Variants in KLHL2 observed in about 807,000 individuals in gnomAD.
The protein encoded by KLHL2 is kelch-like protein 2.
KLHL2 carries 15 observed loss-of-function variants against 75.8 expected under a neutral mutation model. The ratio of observed to expected loss-of-function variants is 0.20; its 90% CI spans 0.13 to 0.30. KLHL2 has a LOEUF of 0.30. Among genes scored for constraint, KLHL2 ranks in the 10% least tolerant of loss-of-function variants. The pLI is 1.00. For synonymous variants in KLHL2, 214 were observed against 251.9 expected (o/e 0.85, Z 1.42); for missense variants, 381 against 741.0 (o/e 0.51, Z 5.64).
chr4:165,214,859 G>A (rs1019311570), intron 1 of KLHL2, among the ~76,000 whole-genome samples: 1 of 151,572 alleles, frequency 6.6e-6, no homozygotes, highest in Non-Finnish European at 1.5e-5. Context: ...GATATTGTCT[G>A]AAAGGCATTC....
intron 11 of KLHL2, among the ~76,000 whole-genome samples, chr4:165,312,442 A>T: frequency 6.7e-6 from 1 of 150,142 alleles, no homozygotes. Context: ...TTTTTAATTG[A>T]CTTGGGCAAA....
At chr4:165,307,113 G>C (rs927156476) in intron 9 of KLHL2, among the ~76,000 whole-genome samples, 2 of 152,148 alleles carry the variant, frequency 1.3e-5, no homozygotes, top group African/African-American at 4.8e-5. Context: ...CTTGAGACCA[G>C]CCTGGCCAAC....
intron 5 of KLHL2, among the ~76,000 whole-genome samples, chr4:165,283,270 A>G (rs1429195876): frequency 1.3e-5 from 2 of 152,208 alleles, no homozygotes; most frequent in African/African-American, 4.8e-5. Flanking sequence ...CAAAGTCTTA[A>G]CTTATTTCAG....
At chr4:165,298,010 T>C (rs899090554) in intron 7 of KLHL2, among the ~76,000 whole-genome samples, 3 of 152,062 alleles carry the variant, frequency 2.0e-5, no homozygotes, top group Non-Finnish European at 2.9e-5. Context: ...TTCAGTAGAG[T>C]TGGGGTTTTG....
intron 1 of KLHL2, among the ~76,000 whole-genome samples, chr4:165,208,862 C>G (rs1242655613): frequency 6.6e-6 from 1 of 152,156 alleles, no homozygotes; most frequent in Non-Finnish European, 1.5e-5. Context: ...GCTTGTCGTT[C>G]TCCGGTCAAA....
chr4:165,278,264 A>G (rs1187068807), intron 5 of KLHL2: 3 of 1,083,490 alleles, frequency 2.8e-6, no homozygotes, highest in South Asian at 1.2e-5. Context: ...CCCTGCCGCC[A>G]TGGCAGCACC....
At chr4:165,267,978 T>C (rs947682906) in intron 5 of KLHL2, among the ~76,000 whole-genome samples, 1 of 152,206 alleles carries the variant, frequency 6.6e-6, no homozygotes, top group African/African-American at 2.4e-5. Flanking sequence ...AATGATTGCC[T>C]CAATTTCAGA....
At chr4:165,302,040 A>G (rs2126527214) in intron 8 of KLHL2, among the ~76,000 whole-genome samples, 1 of 152,002 alleles carries the variant, frequency 6.6e-6, no homozygotes, top group East Asian at 1.9e-4. Flanking sequence ...TTATACTTTT[A>G]GATTTCTCAG....
intron 5 of KLHL2, among the ~76,000 whole-genome samples, chr4:165,266,503 G>A (rs1742253084): frequency 2.6e-5 from 4 of 152,158 alleles, no homozygotes; most frequent in African/African-American, 7.2e-5. Context: ...TTTATATGGT[G>A]TAAGGAAGGG....
At chr4:165,252,828 T>C (rs1740847977) in intron 4 of KLHL2, among the ~76,000 whole-genome samples, 2 of 152,246 alleles carry the variant, frequency 1.3e-5, no homozygotes, top group Admixed American at 1.3e-4. Context: ...TGAAAATTTA[T>C]TTCATGGCTT....
At chr4:165,232,385 C>T (rs959699188) in intron 3 of KLHL2, among the ~76,000 whole-genome samples, 2 of 150,970 alleles carry the variant, frequency 1.3e-5, no homozygotes, top group East Asian at 1.9e-4. Flanking sequence ...CGAGATAGCA[C>T]CACTGCAATC....
At chr4:165,226,381 C>G (rs1238326335) in intron 2 of KLHL2, among the ~76,000 whole-genome samples, 1 of 152,170 alleles carries the variant, frequency 6.6e-6, no homozygotes, top group Non-Finnish European at 1.5e-5. Context: ...TGCTCCTTCT[C>G]GATCCAGCTA....
intron 5 of KLHL2, among the ~76,000 whole-genome samples, chr4:165,264,765 T>TATATATA (rs1477707346): frequency 3.2e-5 from 3 of 94,188 alleles, no homozygotes; most frequent in Admixed American, 1.1e-4. Context: ...TATATATATA[T>TATATATA]AAAACATTAT....
chr4:165,258,395 C>CA (rs56083222), intron 4 of KLHL2, among the ~76,000 whole-genome samples: 3,564 of 105,442 alleles, frequency 0.034, 56 homozygotes, highest in South Asian at 0.06. Context: ...TTAACTATGA[C>CA]AAAAAAAAAA....
intron 13 of KLHL2, among the ~76,000 whole-genome samples, 196 bp from the exon 14 acceptor site, chr4:165,317,630 G>A (rs1167505942): frequency 6.6e-6 from 1 of 152,198 alleles, no homozygotes; most frequent in Non-Finnish European, 1.5e-5. Flanking sequence ...CTTCCAAAGT[G>A]CTGGGATTAC....
chr4:165,222,227 C>CTA (rs1253211686), intron 2 of KLHL2, among the ~76,000 whole-genome samples: 6 of 152,162 alleles, frequency 3.9e-5, no homozygotes, highest in Admixed American at 3.9e-4. Flanking sequence ...TTGAGCCTGA[C>CTA]TAAAATGAGA....
At chr4:165,294,856 T>C (rs1292465632) in intron 6 of KLHL2, among the ~76,000 whole-genome samples, 3 of 152,234 alleles carry the variant, frequency 2.0e-5, no homozygotes, top group Admixed American at 1.3e-4. Flanking sequence ...ATAATATTTG[T>C]CACTAAATTA....
intron 10 of KLHL2, 150 bp from the exon 11 acceptor site, chr4:165,311,314 C>T: frequency 1.8e-6 from 1 of 543,086 alleles, no homozygotes; most frequent in Non-Finnish European, 3.2e-6. Flanking sequence ...ACAAGCTGTA[C>T]CTGTTTTTCA....
chr4:165,321,945 C>G, intron 14 of KLHL2, 87 bp from the exon 15 acceptor site: 1 of 1,143,834 alleles, frequency 8.7e-7, no homozygotes. Flanking sequence ...CTCCTGCCTT[C>G]GTATTATAAT....
Sources: allele counts gnomAD v4.1 joint callset (sites outside exome capture counted in the v4.1 genomes callset), GRCh38; gene constraint gnomAD v4.1.1; transcripts MANE v1.5; gene names NCBI Gene and HGNC (gene_info 2026-07-23, HGNC 2026-07-21).